Variants in COL4A3 observed in about 807,000 individuals in gnomAD.
The protein encoded by COL4A3 is collagen type IV alpha 3 chain.
In COL4A3, 135 loss-of-function variants were observed where a neutral mutation model predicts 217.4. The ratio of observed to expected loss-of-function variants is 0.62; its 90% CI spans 0.54 to 0.72. COL4A3 has a LOEUF of 0.72. Ranked by LOEUF, COL4A3 falls within the 30% of genes least tolerant of loss-of-function variation. The probability of loss-of-function intolerance (pLI) is 0.00; values close to 1 mark genes in which losing one functional copy is unlikely to be tolerated. For synonymous variants in COL4A3, 690 were observed against 736.3 expected (o/e 0.94, Z 1.02); for missense variants, 1,868 against 2,119.9 (o/e 0.88, Z 2.33).
chr2:227,232,690 C>G (rs892403892), intron 1 of COL4A3, among the ~76,000 whole-genome samples: 3 of 152,096 alleles, frequency 2.0e-5, no homozygotes, highest in African/African-American at 4.8e-5. Flanking sequence ...AATGTCTATT[C>G]AAATCTTTTG....
intron 47 of COL4A3, among the ~76,000 whole-genome samples, chr2:227,306,846 G>A (rs866278115): frequency 1.2e-4 from 19 of 152,272 alleles, no homozygotes; most frequent in African/African-American, 4.3e-4. Context: ...TAGGACCCTA[G>A]AGAACCATGG....
chr2:227,243,786 T>C (rs1177966907), intron 3 of COL4A3, among the ~76,000 whole-genome samples: 2 of 152,186 alleles, frequency 1.3e-5, no homozygotes, highest in African/African-American at 4.8e-5. Context: ...TTATCTCTGG[T>C]TCAGGCAGTC....
rs186139675 is a variant in COL4A3, at chr2:227,297,631, C to T, written c.3566-43C>T. The T allele has an allele frequency of 6.3e-5, 98 of 1,564,258 alleles. 2 individuals carry two copies. In the Admixed American group the frequency reaches 7.8e-4, roughly 12 times the overall value. On this transcript the variant is annotated intron_variant, in intron 41 of 51. Transcript: ENST00000396578. The stretch of plus-strand genomic sequence containing the variant: ...AGATAGTCAAGAACTCTAACCCAAG[C>T]ATATGGGCATTAAAGAAACTTATTA...
At chr2:227,265,411 A>G (rs1477131467) in intron 21 of COL4A3, 2 of 152,200 alleles carry the variant, frequency 1.3e-5, no homozygotes, top group South Asian at 4.1e-4. Context: ...GTTTTTAAAT[A>G]TTTACTTTCA....
At chr2:227,294,778 A>G (rs535882015) in intron 39 of COL4A3, among the ~76,000 whole-genome samples, 186 bp from the exon 40 acceptor site, 2 of 152,312 alleles carry the variant, frequency 1.3e-5, no homozygotes, top group South Asian at 4.1e-4. Context: ...AATCCTCATG[A>G]TAATAGTAAT....
rs1268080087 is a variant in COL4A3 at position 227,203,419 on chromosome 2, A to G, written c.88-34549A>G. 3.6e-5 allele frequency among the ~76,000 whole-genome samples: 2 copies of G among 55,874 alleles called. 1 individual carries two copies. Among genetic ancestry groups the G allele is most frequent in the Non-Finnish European group, 6.7e-5 (2 of 29,674 alleles). 36.7% of individuals were successfully genotyped at this position (55,874 alleles called of 152,430 possible). A position where few individuals can be genotyped will look rare whatever the true frequency, so the allele number is the denominator to read the frequency against. On this transcript the variant is annotated intron_variant, in intron 1 of 51. Coordinates refer to ENST00000396578, the MANE Select transcript of COL4A3 (RefSeq NM_000091.5). ...TATGTGTATACATACATATATGTGT[A>G]TACATACATATATGTGTGTATATGT...
intron 3 of COL4A3, among the ~76,000 whole-genome samples, chr2:227,242,383 C>T (rs138446595): frequency 4.7e-4 from 71 of 152,284 alleles, no homozygotes; most frequent in African/African-American, 1.5e-3. Context: ...GGTGCATTAC[C>T]GTCCTGGAAC....
chr2:227,199,305 C>T (rs2066597264), intron 1 of COL4A3, among the ~76,000 whole-genome samples: 1 of 152,222 alleles, frequency 6.6e-6, no homozygotes, highest in African/African-American at 2.4e-5. Flanking sequence ...CACCCCCATT[C>T]CTCCCCCAGG....
At chr2:227,246,894 A>T (rs2125912467) in intron 7 of COL4A3, 156 bp downstream of exon 7, 3 of 753,028 alleles carry the variant, frequency 4.0e-6, no homozygotes, top group Non-Finnish European at 7.4e-6. Flanking sequence ...GGATGAATAC[A>T]TGCATTATGA....
chr2:227,214,901 A>G (rs1339556545), intron 1 of COL4A3, among the ~76,000 whole-genome samples: 3 of 152,174 alleles, frequency 2.0e-5, no homozygotes, highest in African/African-American at 7.2e-5. Flanking sequence ...ATTATTACCT[A>G]AGGGCTGCAA....
intron 1 of COL4A3, among the ~76,000 whole-genome samples, chr2:227,230,058 A>AG: frequency 6.9e-6 from 1 of 145,016 alleles, no homozygotes; most frequent in South Asian, 2.1e-4. Flanking sequence ...CTCAAAAAAA[A>AG]AAAAAAAAGA....
intron 42 of COL4A3, among the ~76,000 whole-genome samples, chr2:227,298,312 A>C (rs778258665): frequency 1.7e-4 from 26 of 152,304 alleles, no homozygotes; most frequent in South Asian, 2.1e-4. Context: ...AGATTGCGCC[A>C]CTGCACTGCA....
chr2:227,199,397 A>G (rs546580532), intron 1 of COL4A3, among the ~76,000 whole-genome samples: 1 of 152,306 alleles, frequency 6.6e-6, no homozygotes, highest in South Asian at 2.1e-4. Context: ...TCATCCTAGA[A>G]AATAAGTATT....
At chr2:227,310,699 C>CA (rs11343703) in intron 50 of COL4A3, 77 bp from the exon 51 acceptor site, 13,323 of 981,242 alleles carry the variant, frequency 0.014, no homozygotes, top group Non-Finnish European at 0.017. Flanking sequence ...CCCATTCATT[C>CA]AAAAAAAAAA....
chr2:227,269,109 G>T (rs570946928), intron 23 of COL4A3, among the ~76,000 whole-genome samples: 8 of 152,066 alleles, frequency 5.3e-5, no homozygotes, highest in Non-Finnish European at 1.2e-4. Flanking sequence ...CACCCAGAAG[G>T]TCATTTAAAG....
chr2:227,232,698 T>G (rs1043059503), intron 1 of COL4A3, among the ~76,000 whole-genome samples: 2 of 152,246 alleles, frequency 1.3e-5, no homozygotes, highest in East Asian at 1.9e-4. Flanking sequence ...TTCAAATCTT[T>G]TGCCCATTTT....
chr2:227,196,321 T>A (rs1470048667), intron 1 of COL4A3, among the ~76,000 whole-genome samples: 1 of 151,308 alleles, frequency 6.6e-6, no homozygotes, highest in Non-Finnish European at 1.5e-5. Flanking sequence ...TATGTTTTTA[T>A]CTTTTTTTTT....
Position 227,281,018 on chromosome 2 carries a change from G to A in COL4A3, c.2488+12G>A. On this transcript the variant is annotated intron_variant, in intron 31 of 51. Transcript: ENST00000396578. ...GAAAGGGCAACAAGGTAGGAGGAGG[G>A]CCTCAAAACTGGCCACCAGAAGGGC... 1 of 1,531,112 alleles carries A rather than the reference G, an allele frequency of 6.5e-7. No homozygotes were observed. The allele number at this position is 1,531,112 out of a possible 1,614,324, so 94.8% of individuals were successfully genotyped here. A position where few individuals can be genotyped will look rare whatever the true frequency, so the allele number is the denominator to read the frequency against.
chr2:227,211,885 T>C (rs2067337231), intron 1 of COL4A3, among the ~76,000 whole-genome samples: 1 of 152,130 alleles, frequency 6.6e-6, no homozygotes, highest in Non-Finnish European at 1.5e-5. Context: ...CTTGAACTCC[T>C]GACCTCACTG....
Sources: allele counts gnomAD v4.1 joint callset (sites outside exome capture counted in the v4.1 genomes callset), GRCh38; gene constraint gnomAD v4.1.1; transcripts MANE v1.5; gene names NCBI Gene and HGNC (gene_info 2026-07-23, HGNC 2026-07-21).